The following ZBTB46 variants were observed in gnomAD, a reference collection of about 807,000 sequenced individuals.
ZBTB46 encodes the protein zinc finger and BTB domain containing 46, also known as zinc finger and BTB domain-containing protein 46.
Under a neutral mutation model 44.1 loss-of-function variants are expected in ZBTB46, and 8 were observed. The ratio of observed to expected loss-of-function variants is 0.18; its 90% CI spans 0.11 to 0.33. The LOEUF (loss-of-function observed/expected upper bound fraction) is 0.33. ZBTB46 is among the 10% of genes least tolerant of loss of function. The pLI, the probability that ZBTB46 is intolerant of heterozygous loss-of-function variation, is 1.00. For missense variants in ZBTB46, 651 were observed against 847.7 expected, an observed-to-expected ratio of 0.77 and a Z score of 2.88; for synonymous variants, 409 against 382.3, an observed-to-expected ratio of 1.07 and a Z score of -0.81.
chr20:63,790,077 G>A lies in ZBTB46; in HGVS notation c.681C>T (p.Arg227=). 1.2e-6 allele frequency: 2 copies of A among 1,614,058 alleles called. No homozygotes were observed. Residue 227 remains arginine, a synonymous_variant, in exon 2 of 5, where the codon CGC becomes CGT. Coordinates refer to ENST00000245663, the MANE Select transcript of ZBTB46 (RefSeq NM_001369741.1). ...ACGGTGAAACCTGCTCTTCCTTGAT[G>A]CGCAGAGGCCCGTAGCCCACGTCTC... The part of the protein sequence containing the change: ...WPGDVGYGPL[R]IKEEQVSPSQ...
intron 1 of ZBTB46, among the ~76,000 whole-genome samples, chr20:63,802,787 C>G (rs1310047243): frequency 8.5e-6 from 1 of 118,192 alleles, no homozygotes; most frequent in Non-Finnish European, 1.7e-5. Context: ...CAGGAACCGC[C>G]GTGGCCGACG....
At chr20:63,768,312 AG>A in intron 3 of ZBTB46, among the ~76,000 whole-genome samples, 1 of 152,336 alleles carries the variant, frequency 6.6e-6, no homozygotes, top group Non-Finnish European at 1.5e-5. Context: ...GCACTTTGGG[AG>A]ACCAAGGAGG....
intron 2 of ZBTB46, among the ~76,000 whole-genome samples, chr20:63,783,636 G>A (rs1303382729): frequency 6.6e-6 from 1 of 152,178 alleles, no homozygotes; most frequent in Non-Finnish European, 1.5e-5. Context: ...ATCTAGAGAA[G>A]GCGCAGCTGA....
intron 1 of ZBTB46, among the ~76,000 whole-genome samples, chr20:63,828,352 G>C (rs1037548797): frequency 2.0e-5 from 3 of 152,240 alleles, no homozygotes; most frequent in Admixed American, 6.5e-5. Context: ...AGGATAAGGC[G>C]GCGGCCTCTC....
chr20:63,803,838 GC>G lies in ZBTB46; in HGVS notation c.-33-13049del, dbSNP rs1452956705. Among the ~76,000 whole-genome samples the G allele has an allele frequency of 1.3e-5, 2 of 152,188 alleles. No individual in the cohort carries two copies. The highest frequency in any genetic ancestry group is 3.8e-4 in the East Asian group (2 of 5,202). On this transcript the variant is annotated intron_variant, in intron 1 of 4. Coordinates refer to ENST00000245663, the MANE Select transcript of ZBTB46 (RefSeq NM_001369741.1). This position sits in a 1 kb window ranked among gnomAD's most constrained non-coding sequence, Gnocchi z 4.0. ...TCCTCCCACATCAGCCTCCTGAGCAGCTGGGACCACAGGGGCACGCCACCAC... is the reference window on the plus strand; with the variant it reads ...TCCTCCCACATCAGCCTCCTGAGCAGTGGGACCACAGGGGCACGCCACCAC...
intron 1 of ZBTB46, among the ~76,000 whole-genome samples, chr20:63,829,572 C>T (rs2092837093): frequency 6.6e-6 from 1 of 152,216 alleles, no homozygotes; most frequent in East Asian, 1.9e-4. Flanking sequence ...TTTGCAGTAA[C>T]TTGTGCCCAA....
chr20:63,820,407 C>CTATAAAAT (rs2092785011), intron 1 of ZBTB46, among the ~76,000 whole-genome samples: 5 of 151,120 alleles, frequency 3.3e-5, no homozygotes, highest in Admixed American at 2.6e-4. Flanking sequence ...CCAATGTAAA[C>CTATAAAAT]AGGCACACTT....
At chr20:63,808,490 G>T (rs1165248404) in intron 1 of ZBTB46, among the ~76,000 whole-genome samples, 2 of 152,148 alleles carry the variant, frequency 1.3e-5, no homozygotes, top group East Asian at 3.9e-4. Context: ...GGGAGGGAAG[G>T]GGGAAGCCAG....
At chr20:63,765,068 CAT>C (rs1388587194) in intron 3 of ZBTB46, among the ~76,000 whole-genome samples, 9 of 108,400 alleles carry the variant, frequency 8.3e-5, no homozygotes, top group African/African-American at 4.2e-4. Context: ...TTTGTATGTG[CAT>C]GTGTGCGTGT....
At position 63,746,835 on chromosome 20, in the gene ZBTB46, G is replaced by C. The variant is rs1433280772; in HGVS notation, c.*95C>G. The C allele has an allele frequency of 1.4e-6, 2 of 1,412,122 alleles. No individual in the cohort carries two copies. The highest frequency in any genetic ancestry group is 1.5e-5 in the African/African-American group (1 of 67,604). The allele number at this position is 1,412,122 out of a possible 1,614,324, so 87.5% of individuals were successfully genotyped here. A position where few individuals can be genotyped will look rare whatever the true frequency, so the allele number is the denominator to read the frequency against. ...GGAAGCAGAGGAGGGGCCGCGAGAG[G>C]GGTGAGCGTGGCCCTGGCCCCGCAG... On this transcript the variant is annotated 3_prime_UTR_variant, in exon 5 of 5. Coordinates refer to ENST00000245663, the MANE Select transcript of ZBTB46 (RefSeq NM_001369741.1).
chr20:63,783,324 G>A (rs985333040), intron 2 of ZBTB46, among the ~76,000 whole-genome samples: 2 of 152,184 alleles, frequency 1.3e-5, no homozygotes, highest in Admixed American at 1.3e-4. Flanking sequence ...AGCTACTCGG[G>A]AGGCTGAGGC....
At chr20:63,810,759 AT>A (rs1483547329) in intron 1 of ZBTB46, among the ~76,000 whole-genome samples, 9 of 152,316 alleles carry the variant, frequency 5.9e-5, no homozygotes, top group Admixed American at 1.3e-4. Context: ...AAACAAAAAA[AT>A]AAATAAAAAT....
chr20:63,754,819 T>C (rs1222309324), intron 3 of ZBTB46, among the ~76,000 whole-genome samples: 1 of 151,558 alleles, frequency 6.6e-6, no homozygotes, highest in East Asian at 1.9e-4. Context: ...CAGGATGGTC[T>C]CGATCTCCTG....
rs1219812385 is a variant in ZBTB46, at chr20:63,800,713, C to T, written c.-33-9923G>A. Among the ~76,000 whole-genome samples, 3 of 152,222 alleles carry T rather than the reference C, an allele frequency of 2.0e-5. No homozygotes were observed. In the East Asian group the frequency reaches 5.8e-4, roughly 29 times the overall value. On this transcript the variant is annotated intron_variant, in intron 1 of 4. Coordinates refer to ENST00000245663, the MANE Select transcript of ZBTB46 (RefSeq NM_001369741.1). ...GGCCAGCAGCTGCGGAGGGTGTCCG[C>T]CAGCAGTGCCGGCCCACCGGCGCTG...
chr20:63,818,547 T>C lies in ZBTB46; in HGVS notation c.-34+12550A>G, dbSNP rs544197176. On this transcript the variant is annotated intron_variant, in intron 1 of 4. Transcript: ENST00000245663. ...ATCTCTCCTGATAGTTATGTATTCA[T>C]GTCAGCATGTCAAGAAAAGCATCAC... Among the ~76,000 whole-genome samples the C allele has an allele frequency of 8.5e-5, 13 of 152,288 alleles. No homozygotes were observed. The East Asian group carries it at 2.5e-3, about 29-fold the overall frequency.
At chr20:63,751,286 G>A (rs2092158869) in intron 4 of ZBTB46, among the ~76,000 whole-genome samples, 1 of 152,188 alleles carries the variant, frequency 6.6e-6, no homozygotes, top group African/African-American at 2.4e-5. Context: ...GCCATCTCGT[G>A]GTCCAGGGGC....
At position 63,767,223 on chromosome 20, in the gene ZBTB46, C is replaced by T. The variant is rs946255676; in HGVS notation, c.1222+8455G>A. ...CGATCTCCCTAGAAAGTTGCTGGGTCGGAGCCACGTGGCTCCACTTCCCAC... is the reference window on the plus strand; with the variant it reads ...CGATCTCCCTAGAAAGTTGCTGGGTTGGAGCCACGTGGCTCCACTTCCCAC... On this transcript the variant is annotated intron_variant, in intron 3 of 4. Transcript: ENST00000245663. The surrounding 1 kb of genome is among the most constrained non-coding windows in gnomAD (Gnocchi z 5.0). Among the ~76,000 whole-genome samples the T allele has an allele frequency of 1.3e-5, 2 of 152,124 alleles. No homozygotes were observed. The highest frequency in any genetic ancestry group is 2.4e-5 in the African/African-American group (1 of 41,434).
chr20:63,832,447 G>T (rs941915401), upstream of ZBTB46, among the ~76,000 whole-genome samples: 47 of 152,312 alleles, frequency 3.1e-4, no homozygotes, highest in Non-Finnish European at 2.9e-5. This position sits in a 1 kb window ranked among gnomAD's most constrained non-coding sequence, Gnocchi z 5.0. Context: ...CCAGCGCAGC[G>T]GATTCCTCGG....
chr20:63,759,792 C>A (rs936815106), intron 3 of ZBTB46, among the ~76,000 whole-genome samples: 3 of 151,912 alleles, frequency 2.0e-5, no homozygotes. Context: ...TTTGTAGATA[C>A]TTTTTGTCAG....
Sources: allele counts gnomAD v4.1 joint callset (sites outside exome capture counted in the v4.1 genomes callset), GRCh38; gene constraint gnomAD v4.1.1; non-coding constraint Gnocchi (gnomAD v3.1); transcripts MANE v1.5; gene names NCBI Gene and HGNC (gene_info 2026-07-23, HGNC 2026-07-21).